The following VRK2 variants were observed in gnomAD, a reference collection of about 807,000 sequenced individuals.
The protein encoded by VRK2 is serine/threonine-protein kinase VRK2.
In VRK2, 60 loss-of-function variants were observed where a neutral mutation model predicts 57.6. The ratio of observed to expected loss-of-function variants is 1.04; its 90% CI spans 0.85 to 1.29. VRK2 has a LOEUF of 1.29. Among genes scored for constraint, VRK2 ranks in the 50% most tolerant of loss-of-function variants. VRK2 has a pLI of 0.00. For missense variants in VRK2, 705 were observed against 588.1 expected, an observed-to-expected ratio of 1.20 and a Z score of -2.06; for synonymous variants, 231 against 199.2, an observed-to-expected ratio of 1.16 and a Z score of -1.35.
chr2:58,117,215 T>C (rs956647011), intron 7 of VRK2, among the ~76,000 whole-genome samples: 4 of 152,180 alleles, frequency 2.6e-5, no homozygotes, highest in African/African-American at 9.7e-5. Context: ...GCTGGGTTTT[T>C]ATATTTGATG....
At chr2:58,132,040 A>T (rs778907294) in intron 9 of VRK2, 112 bp downstream of exon 9, 1 of 1,333,842 alleles carries the variant, frequency 7.5e-7, no homozygotes, top group Non-Finnish European at 1.0e-6. Flanking sequence ...CAACCAAAGC[A>T]AATTTCTTTA....
At chr2:58,089,787 C>A in intron 7 of VRK2, 64 bp downstream of exon 7, 2 of 1,148,376 alleles carry the variant, frequency 1.7e-6, no homozygotes, top group African/African-American at 1.5e-5. Context: ...ATTCAGAAAA[C>A]AAACTTCTAA....
chr2:57,987,571 T>C lies in VRK2; in HGVS notation c.-438-38094T>C, dbSNP rs370584950. On this transcript the variant is annotated intron_variant, in intron 1 of 15. Transcript: ENST00000417641. ...TTATTGGTGGGAATGCAAATTGTTA[T>C]AACCTCTTTGGAAGGTGTTTGGAAG... 9.8e-5 allele frequency among the ~76,000 whole-genome samples: 15 copies of C among 152,304 alleles called. No individual in the cohort carries two copies. In the East Asian group the frequency reaches 2.9e-3, roughly 29 times the overall value.
chr2:58,047,175 G>C (rs533138150), intron 1 of VRK2: 34 of 282,148 alleles, frequency 1.2e-4, no homozygotes, highest in Non-Finnish European at 1.2e-4. Context: ...ACTTGTGGCG[G>C]GAAGTTGGGG....
rs377414241 is a variant in VRK2 at position 58,082,326 on chromosome 2, ATT to A, written c.137-1760_137-1759del. ...GTTATTTATCTTTTTGAAACTCCCA[ATT>A]TTCTTCTGTACTTTTTAGCTCATTA... On this transcript the variant is annotated intron_variant, in intron 2 of 12. Transcript: ENST00000340157. 4.8e-3 allele frequency among the ~76,000 whole-genome samples: 729 copies of A among 151,602 alleles called. 11 individuals are homozygous for A. The highest frequency in any genetic ancestry group is 0.017 in the African/African-American group (702 of 41,396).
chr2:58,071,183 A>C (rs1309266746), intron 2 of VRK2, among the ~76,000 whole-genome samples: 1 of 151,938 alleles, frequency 6.6e-6, no homozygotes, highest in South Asian at 2.1e-4. Flanking sequence ...AGTTTTAAGA[A>C]TATTTTGTAT....
intron 11 of VRK2, among the ~76,000 whole-genome samples, chr2:58,141,938 C>T (rs959897641): frequency 6.6e-6 from 1 of 151,814 alleles, no homozygotes; most frequent in Admixed American, 6.6e-5. Context: ...ACAGAATGCT[C>T]TTATTAGTAA....
At chr2:58,008,386 G>A (rs569697086) in intron 1 of VRK2, among the ~76,000 whole-genome samples, 4 of 152,132 alleles carry the variant, frequency 2.6e-5, no homozygotes, top group African/African-American at 9.6e-5. Context: ...GGAAGCAGGA[G>A]AGGAAGAAAA....
chr2:57,953,525 T>C (rs964228100), intron 1 of VRK2, among the ~76,000 whole-genome samples: 6 of 152,306 alleles, frequency 3.9e-5, no homozygotes, highest in Non-Finnish European at 7.4e-5. Flanking sequence ...TATGAAAAAA[T>C]ATTAGAACTG....
intron 7 of VRK2, among the ~76,000 whole-genome samples, chr2:58,096,117 A>G (rs533880623): frequency 9.2e-5 from 14 of 152,182 alleles, no homozygotes; most frequent in African/African-American, 2.9e-4. Context: ...TATTGAACCA[A>G]CCTTTTAAGG....
rs184569806 is a variant in VRK2 at position 58,037,956 on chromosome 2, T to G, written c.-6+4403T>G. Among the ~76,000 whole-genome samples the G allele has an allele frequency of 9.8e-4, 149 of 152,300 alleles. 1 individual carries two copies. Among genetic ancestry groups the G allele is most frequent in the African/African-American group, 3.6e-3 (148 of 41,570 alleles). On this transcript the variant is annotated intron_variant, in intron 3 of 15. Coordinates refer to the VRK2 transcript ENST00000417641. ...ATAAAAGACTGAAAAACAGGCAGTG[T>G]AGCAAGTATTCATTCAACAAGCATT... is the stretch of plus-strand genomic sequence containing the variant.
At chr2:58,118,949 C>T (rs1676973125) in intron 7 of VRK2, among the ~76,000 whole-genome samples, 2 of 152,232 alleles carry the variant, frequency 1.3e-5, no homozygotes, top group South Asian at 4.1e-4. Flanking sequence ...AGGAAATTCA[C>T]AGGGTTAATC....
intron 1 of VRK2, among the ~76,000 whole-genome samples, chr2:58,001,207 G>A (rs557515084): frequency 6.6e-6 from 1 of 152,070 alleles, no homozygotes; most frequent in Admixed American, 6.6e-5. Context: ...ATACATTTAT[G>A]CCTTCATCCA....
chr2:58,155,964 C>T (rs1490406469), intron 12 of VRK2, among the ~76,000 whole-genome samples: 1 of 150,056 alleles, frequency 6.7e-6, no homozygotes, highest in Non-Finnish European at 1.5e-5. Context: ...GTTTCCAGAA[C>T]GCAGGCTCTT....
chr2:58,155,061 T>G (rs1363934492), intron 12 of VRK2, among the ~76,000 whole-genome samples: 1 of 152,206 alleles, frequency 6.6e-6, no homozygotes, highest in African/African-American at 2.4e-5. Flanking sequence ...TCTGCCTGGT[T>G]GAATGTTCCA....
At chr2:57,916,730 A>G (rs1160167666) in intron 1 of VRK2, among the ~76,000 whole-genome samples, 1 of 152,182 alleles carries the variant, frequency 6.6e-6, no homozygotes, top group Non-Finnish European at 1.5e-5. Flanking sequence ...AGCTTAGACC[A>G]TGTGTTTTAC....
At chr2:58,152,661 T>A (rs1379409728) in intron 12 of VRK2, among the ~76,000 whole-genome samples, 2 of 151,946 alleles carry the variant, frequency 1.3e-5, no homozygotes, top group Admixed American at 1.3e-4. Flanking sequence ...CTGTCACCTC[T>A]TGTCTGTCTG....
At chr2:58,028,059 A>C (rs973265541) in intron 2 of VRK2, among the ~76,000 whole-genome samples, 2 of 152,226 alleles carry the variant, frequency 1.3e-5, no homozygotes, top group Admixed American at 6.5e-5. Flanking sequence ...GTTATAAAAT[A>C]GACTCAAACA....
intron 12 of VRK2, among the ~76,000 whole-genome samples, chr2:58,153,017 C>G (rs1030762707): frequency 6.6e-6 from 1 of 151,892 alleles, no homozygotes; most frequent in Non-Finnish European, 1.5e-5. Context: ...TCCTGCAGAC[C>G]TGTTCCATGA....
Sources: allele counts gnomAD v4.1 joint callset (sites outside exome capture counted in the v4.1 genomes callset), GRCh38; gene constraint gnomAD v4.1.1; transcripts MANE v1.5; gene names NCBI Gene and HGNC (gene_info 2026-07-23, HGNC 2026-07-21).